CTNNA2: variants seen among roughly 807,000 people sequenced by gnomAD.
CTNNA2 encodes catenin alpha 2, also known as catenin alpha-2.
CTNNA2 carries 42 observed loss-of-function variants against 101.0 expected under a neutral mutation model. The ratio of observed to expected loss-of-function variants is 0.42; its 90% CI spans 0.32 to 0.54. The LOEUF (loss-of-function observed/expected upper bound fraction) is 0.54, where lower values mean the gene tolerates loss of function less well. CTNNA2 is among the 20% of genes least tolerant of loss of function. The probability of loss-of-function intolerance (pLI) is 0.14; values close to 1 mark genes in which losing one functional copy is unlikely to be tolerated. For missense variants in CTNNA2, 871 were observed against 1,223.1 expected (o/e 0.71, Z 4.29); for synonymous variants, 450 against 456.4 (o/e 0.99, Z 0.18).
intron 4 of CTNNA2, among the ~76,000 whole-genome samples, chr2:79,394,196 T>TTTTG (rs147993580): frequency 1.1e-4 from 17 of 152,278 alleles, no homozygotes; most frequent in African/African-American, 4.1e-4. Context: ...GTTTGTTTCT[T>TTTTG]TTTGTTTGTT....
At chr2:80,201,308 T>G (rs1707189566) in intron 7 of CTNNA2, among the ~76,000 whole-genome samples, 1 of 151,574 alleles carries the variant, frequency 6.6e-6, no homozygotes, top group Admixed American at 6.6e-5. Flanking sequence ...GGCAAATCAG[T>G]CTTTTATTTA....
At chr2:80,414,849 A>C (rs1573984452) in intron 8 of CTNNA2, among the ~76,000 whole-genome samples, 1 of 152,150 alleles carries the variant, frequency 6.6e-6, no homozygotes, top group East Asian at 1.9e-4. Context: ...GGCATTCCTC[A>C]AACTTTATAC....
intron 2 of CTNNA2, among the ~76,000 whole-genome samples, chr2:79,728,106 C>T (rs1376220022): frequency 6.6e-6 from 1 of 152,136 alleles, no homozygotes. Context: ...AATGGGATTG[C>T]TGGGTCAAAT....
rs143379167 is a variant in CTNNA2 at position 80,117,455 on chromosome 2, A to AGAGTGTGTGTGTGT, written c.1056+207659_1056+207660insAGTGTGTGTGTGTG. Among the ~76,000 whole-genome samples, 397 of 145,984 alleles carry AGAGTGTGTGTGTGT rather than the reference A, an allele frequency of 2.7e-3. 1 individual carries two copies. Among genetic ancestry groups the AGAGTGTGTGTGTGT allele is most frequent in the African/African-American group, 9.1e-3 (357 of 39,254 alleles). On this transcript the variant is annotated intron_variant, in intron 7 of 18. Coordinates refer to ENST00000402739, the MANE Select transcript of CTNNA2 (RefSeq NM_001282597.3). Reference sequence around the variant, plus strand: ...ATTCAGCATAGATGGTTCCTGTGTGAGTGTGTGTGTGTGTGTGTGTGTGTG... The same window carrying AGAGTGTGTGTGTGT: ...ATTCAGCATAGATGGTTCCTGTGTGAGAGTGTGTGTGTGTGTGTGTGTGTGTGTGTGTGTGTGTG...
At position 79,874,323 on chromosome 2, in the gene CTNNA2, C is replaced by T. The variant is rs760249011; in HGVS notation, c.833C>T (p.Ala278Val). Residue 278 changes from alanine (A) to valine (V), a missense_variant, in exon 6 of 19, where the codon GCG becomes GTG. Around this residue, in one of 5 missense-constraint regions of CTNNA2, gnomAD observed 647 missense variants for 831.5 expected, o/e 0.78. Transcript: ENST00000402739. ...CACACGGGCATCGGCGAGCTGGCTGCGGCTCTTAATGAGTTTGACGTAAGC... is the reference window on the plus strand; with the variant it reads ...CACACGGGCATCGGCGAGCTGGCTGTGGCTCTTAATGAGTTTGACGTAAGC... Reference protein sequence around the residue: ...KGHTGIGELAAALNEFDNKII... With the variant: ...KGHTGIGELAVALNEFDNKII... The T allele has an allele frequency of 4.3e-6, 7 of 1,613,620 alleles. No homozygotes were observed. Among genetic ancestry groups the T allele is most frequent in the Middle Eastern group, 1.7e-4 (1 of 6,018 alleles).
At chr2:79,961,750 G>A (rs533540812) in intron 7 of CTNNA2, among the ~76,000 whole-genome samples, 1 of 151,658 alleles carries the variant, frequency 6.6e-6, no homozygotes, top group Non-Finnish European at 1.5e-5. Flanking sequence ...TGAACCCGGG[G>A]GGCAGAGCCT....
At chr2:80,645,264 A>ATTTAGCTTCTAAAGAAACTGTGACTTATC in intron 18 of CTNNA2, among the ~76,000 whole-genome samples, 1 of 152,184 alleles carries the variant, frequency 6.6e-6, no homozygotes, top group South Asian at 2.1e-4. Flanking sequence ...GGTGTTAGGT[A>ATTTAGCTTCTAAAGAAACTGTGACTTATC]TTTAGCTTCT....
chr2:80,150,122 A>G (rs1431458601), intron 7 of CTNNA2, among the ~76,000 whole-genome samples: 5 of 152,112 alleles, frequency 3.3e-5, no homozygotes, highest in African/African-American at 9.6e-5. Flanking sequence ...TTTTTCTGAG[A>G]TGGTCACGCC....
intron 3 of CTNNA2, among the ~76,000 whole-genome samples, chr2:79,824,902 A>G (rs1238944556): frequency 6.6e-6 from 1 of 152,114 alleles, no homozygotes; most frequent in Admixed American, 6.5e-5. Flanking sequence ...TATTAAATAT[A>G]TTTTAGTGCC....
chr2:79,832,117 CAACTTCA>C (rs1347727579), intron 3 of CTNNA2, among the ~76,000 whole-genome samples: 1 of 152,178 alleles, frequency 6.6e-6, no homozygotes, highest in Non-Finnish European at 1.5e-5. Context: ...GAGATACCCC[CAACTTCA>C]ATCTCATCTA....
intron 2 of CTNNA2, among the ~76,000 whole-genome samples, chr2:79,271,867 T>C (rs751182287): frequency 1.3e-5 from 2 of 152,040 alleles, no homozygotes; most frequent in Non-Finnish European, 2.9e-5. Context: ...GAATAGCAGG[T>C]ATATTTTTTT....
chr2:80,579,428 T>G (rs1280339709), intron 13 of CTNNA2: 1 of 152,198 alleles, frequency 6.6e-6, no homozygotes, highest in Non-Finnish European at 1.5e-5. Flanking sequence ...CTTGTAATCT[T>G]GTCATCTCAT....
chr2:80,508,040 C>T (rs1344742389), intron 9 of CTNNA2, among the ~76,000 whole-genome samples: 1 of 152,178 alleles, frequency 6.6e-6, no homozygotes, highest in African/African-American at 2.4e-5. Flanking sequence ...TTAGAAAAGA[C>T]ATTTCCTATT....
chr2:79,316,400 T>C (rs1676498121), intron 3 of CTNNA2, among the ~76,000 whole-genome samples: 1 of 152,074 alleles, frequency 6.6e-6, no homozygotes, highest in Non-Finnish European at 1.5e-5. Context: ...TCAAGACTGT[T>C]TTGGCTATTC....
chr2:80,483,795 T>C (rs1573002303), intron 9 of CTNNA2, among the ~76,000 whole-genome samples: 1 of 152,316 alleles, frequency 6.6e-6, no homozygotes, highest in East Asian at 1.9e-4. Context: ...GGATGTTTTA[T>C]TTAACATCTG....
chr2:80,436,684 G>A (rs1374601665), intron 9 of CTNNA2, among the ~76,000 whole-genome samples: 1 of 152,122 alleles, frequency 6.6e-6, no homozygotes, highest in Non-Finnish European at 1.5e-5. Flanking sequence ...AGCAGATTTA[G>A]TGTCTGGTGA....
At chr2:79,758,193 G>T (rs549291790) in intron 3 of CTNNA2, among the ~76,000 whole-genome samples, 1 of 152,202 alleles carries the variant, frequency 6.6e-6, no homozygotes, top group Non-Finnish European at 1.5e-5. Flanking sequence ...AAGAAACCTG[G>T]TTATCAAGCA....
intron 9 of CTNNA2, among the ~76,000 whole-genome samples, chr2:80,465,577 C>T (rs1040227883): frequency 2.0e-5 from 3 of 152,132 alleles, no homozygotes; most frequent in Non-Finnish European, 4.4e-5. Context: ...CCAAAGCTTT[C>T]TGCGATGCTG....
intron 3 of CTNNA2, among the ~76,000 whole-genome samples, chr2:79,331,317 G>A (rs1410164454): frequency 6.6e-6 from 1 of 152,072 alleles, no homozygotes; most frequent in African/African-American, 2.4e-5. Flanking sequence ...GTGTCTATGG[G>A]ATGTTTATCC....
Sources: allele counts gnomAD v4.1 joint callset (sites outside exome capture counted in the v4.1 genomes callset), GRCh38; gene constraint gnomAD v4.1.1; regional missense constraint gnomAD v4.1.1; transcripts MANE v1.5; gene names NCBI Gene and HGNC (gene_info 2026-07-23, HGNC 2026-07-21).